USP40: variants seen among roughly 807,000 people sequenced by gnomAD.
USP40 encodes the protein ubiquitin specific peptidase 40.
USP40 carries 143 observed loss-of-function variants against 166.2 expected under a neutral mutation model. The observed-to-expected ratio is 0.86, with a 90% CI of 0.75 to 0.99. The LOEUF is 0.99. Ranked by LOEUF, USP40 falls within the 50% of genes least tolerant of loss-of-function variation. The pLI is 0.00. For synonymous variants in USP40, 498 were observed against 524.0 expected (o/e 0.95, Z 0.68); for missense variants, 1,444 against 1,479.7 (o/e 0.98, Z 0.40).
At chr2:233,533,226 A>G (rs1010835400) in intron 11 of USP40, among the ~76,000 whole-genome samples, 6 of 152,296 alleles carry the variant, frequency 3.9e-5, no homozygotes, top group African/African-American at 7.2e-5. Context: ...TATCCAAGGA[A>G]ATCCAATTTT....
At position 233,489,437 on chromosome 2, in the gene USP40, G is replaced by A; in HGVS notation, c.3059C>T (p.Ala1020Val). The part of the protein sequence containing the change: ...PFLEFGVPSP[A>V]HLRAWTVERK... ...CTCCACCGTCCAGGCTCTGAGGTGG[G>A]CTGGGGACGGGACACCGAACTCCAG... Residue 1020 changes from alanine (A) to valine (V), a missense_variant, in exon 27 of 32, where the codon GCC becomes GTC. Coordinates refer to ENST00000678225, the MANE Select transcript of USP40 (RefSeq NM_001365479.2). The A allele has an allele frequency of 6.2e-7, 1 of 1,607,852 alleles. No homozygotes were observed. The highest frequency in any genetic ancestry group is 8.5e-7 in the Non-Finnish European group (1 of 1,177,270).
At chr2:233,539,688 TAGA>T (rs1034198808) in intron 10 of USP40, among the ~76,000 whole-genome samples, 4 of 151,646 alleles carry the variant, frequency 2.6e-5, no homozygotes, top group African/African-American at 4.8e-5. Context: ...TTAAAAGTAT[TAGA>T]AGGTTTAAAA....
intron 30 of USP40, 146 bp downstream of exon 30, chr2:233,485,385 A>G: frequency 1.4e-6 from 1 of 710,546 alleles, no homozygotes; most frequent in Non-Finnish European, 2.3e-6. Flanking sequence ...TCAGTTGTCC[A>G]GTTTTCCCTC....
rs1238686019 is a variant in USP40, at chr2:233,499,914, C to T, written c.2615G>A (p.Cys872Tyr). Residue 872 changes from cysteine (C) to tyrosine (Y), a missense_variant and splice_region_variant, in exon 22 of 32, where the codon TGT becomes TAT. By Grantham distance (194) the Cys-to-Tyr change is radical (BLOSUM62 -2). Coordinates refer to ENST00000678225, the MANE Select transcript of USP40 (RefSeq NM_001365479.2). ...VVEETISVRDCLKLMLKKSGL... is the reference protein window; with the variant it reads ...VVEETISVRDYLKLMLKKSGL... ...AGATTTCTTCAGCATTAACTTTAAA[C>T]ACTGTAAAGAAAAACAATGTCCAAT... 6.2e-7 allele frequency: 1 copy of T among 1,611,684 alleles called. No individual in the cohort carries two copies. The highest frequency in any genetic ancestry group is 8.5e-7 in the Non-Finnish European group (1 of 1,178,908).
chr2:233,517,352 T>C (rs1349033702), intron 18 of USP40, among the ~76,000 whole-genome samples: 1 of 150,388 alleles, frequency 6.6e-6, no homozygotes, highest in Non-Finnish European at 1.5e-5. Flanking sequence ...GAAGTCATTA[T>C]ACAAAAAAGA....
intron 5 of USP40, among the ~76,000 whole-genome samples, chr2:233,554,891 C>G (rs1452256997): frequency 3.3e-5 from 5 of 152,128 alleles, no homozygotes; most frequent in Non-Finnish European, 7.4e-5. Context: ...AGAGCAAGGG[C>G]AGGGTTGAAT....
chr2:233,528,675 G>A (rs2068244774), intron 12 of USP40, among the ~76,000 whole-genome samples: 1 of 151,920 alleles, frequency 6.6e-6, no homozygotes, highest in Admixed American at 6.6e-5. Context: ...TTGGTATCTT[G>A]GTTTTTGTTG....
intron 10 of USP40, among the ~76,000 whole-genome samples, chr2:233,537,279 C>T (rs1298797492): frequency 1.3e-5 from 2 of 152,054 alleles, no homozygotes; most frequent in Non-Finnish European, 2.9e-5. Context: ...ATGAAAGAGA[C>T]TTGAGCATCT....
At chr2:233,499,781 C>T in intron 22 of USP40, 98 bp downstream of exon 22, 1 of 928,472 alleles carries the variant, frequency 1.1e-6, no homozygotes, top group Non-Finnish European at 1.6e-6. Context: ...TTCTCCACAC[C>T]CTATAAATTT....
chr2:233,507,652 CAG>C (rs2066520183), intron 21 of USP40, among the ~76,000 whole-genome samples: 1 of 148,522 alleles, frequency 6.7e-6, no homozygotes. Flanking sequence ...ATCGTAGAAG[CAG>C]AGAGTAAAAC....
At chr2:233,499,963 C>A in intron 21 of USP40, 48 bp from the exon 22 acceptor site, 1 of 1,573,016 alleles carries the variant, frequency 6.4e-7, no homozygotes, top group Non-Finnish European at 8.7e-7. Context: ...TTCTGAGTTA[C>A]AGTTCTAGGA....
At chr2:233,543,690 C>T (rs2069635536) in intron 8 of USP40, among the ~76,000 whole-genome samples, 1 of 152,206 alleles carries the variant, frequency 6.6e-6, no homozygotes, top group African/African-American at 2.4e-5. Flanking sequence ...AGCAAGTCCT[C>T]ACAGACACAA....
At chr2:233,508,799 C>CATTATATATG (rs2066604420) in intron 21 of USP40, among the ~76,000 whole-genome samples, 1 of 152,190 alleles carries the variant, frequency 6.6e-6, no homozygotes, top group Non-Finnish European at 1.5e-5. Flanking sequence ...GATTGCCTAG[C>CATTATATATG]ATCCATTATA....
In USP40 at chr2:233,481,221, G is replaced by A. The variant is rs1273630269; in HGVS notation, c.3581C>T (p.Ala1194Val). The A allele has an allele frequency of 6.2e-7, 1 of 1,606,896 alleles. No homozygotes were observed. Among genetic ancestry groups the A allele is most frequent in the Non-Finnish European group, 8.5e-7 (1 of 1,176,382 alleles). Residue 1194 changes from alanine (A) to valine (V), a missense_variant, in exon 31 of 32, where the codon GCC (alanine) becomes GTC (valine). By Grantham distance (64) the Ala-to-Val change is moderately conservative (BLOSUM62 0). Transcript: ENST00000678225. The part of the protein sequence containing the change: ...DTGKEKQKQR[A>V]LGRRKSQEAL... ...CAATTACCTTTTCCTTCTCCCCAGG[G>A]CCCGTTGTTTCTGCTTTTCTTTTCC... is the stretch of plus-strand genomic sequence containing the variant.
chr2:233,554,173 C>G (rs1295036295), intron 6 of USP40, among the ~76,000 whole-genome samples: 3 of 151,992 alleles, frequency 2.0e-5, no homozygotes, highest in Non-Finnish European at 4.4e-5. Flanking sequence ...AAGTTTTCCC[C>G]GGAGAAAAGG....
intron 30 of USP40, among the ~76,000 whole-genome samples, chr2:233,483,711 A>G (rs1294287155): frequency 6.6e-6 from 1 of 152,162 alleles, no homozygotes; most frequent in African/African-American, 2.4e-5. Flanking sequence ...TCAGATTTCA[A>G]ATTTTTGGAT....
chr2:233,508,365 C>G (rs1322505926), intron 21 of USP40, among the ~76,000 whole-genome samples: 1 of 152,154 alleles, frequency 6.6e-6, no homozygotes, highest in Non-Finnish European at 1.5e-5. Context: ...TATAGGTTGT[C>G]CTTGTCCCCT....
chr2:233,530,253 A>C (rs1575300114), intron 11 of USP40, among the ~76,000 whole-genome samples: 1 of 148,028 alleles, frequency 6.8e-6, no homozygotes, highest in African/African-American at 2.6e-5. Context: ...AACACACACA[A>C]TTTTAAAAAC....
In USP40 at chr2:233,565,436, AAATTGGTG is replaced by A. The variant is rs2072056898; in HGVS notation, c.111_118del (p.Thr38LysfsTer24). 4.6e-6 allele frequency: 7 copies of A among 1,537,310 alleles called. No individual in the cohort carries two copies. In the East Asian group the frequency reaches 1.7e-4, roughly 37 times the overall value. ...TCCACCCTGATTTCTGATTCCGCTT[AAATTGGTG>A]AATTCTCTAGGAGCAGGTGGCTCCA... On this transcript the variant is annotated frameshift_variant, in exon 2 of 32. Coordinates refer to ENST00000678225, the MANE Select transcript of USP40 (RefSeq NM_001365479.2). LOFTEE classifies it high-confidence loss of function.
Sources: allele counts gnomAD v4.1 joint callset (sites outside exome capture counted in the v4.1 genomes callset), GRCh38; gene constraint gnomAD v4.1.1; transcripts MANE v1.5; gene names NCBI Gene and HGNC (gene_info 2026-07-23, HGNC 2026-07-21).